FSTL5: variants seen among roughly 807,000 people sequenced by gnomAD.
FSTL5 encodes follistatin like 5.
A neutral mutation model predicts 89.1 loss-of-function variants in FSTL5; 62 were observed. That is an observed-to-expected ratio of 0.70 (90% confidence interval 0.57 to 0.86). The LOEUF (loss-of-function observed/expected upper bound fraction) is 0.86. Among genes scored for constraint, FSTL5 ranks in the 40% least tolerant of loss-of-function variants. The probability of loss-of-function intolerance (pLI) is 0.00; values close to 1 mark genes in which losing one functional copy is unlikely to be tolerated. For missense variants in FSTL5, 1,057 were observed against 1,001.6 expected (o/e 1.06, Z -0.75); for synonymous variants, 383 against 346.2 (o/e 1.11, Z -1.18).
intron 15 of FSTL5, among the ~76,000 whole-genome samples, chr4:161,409,796 C>T (rs1457080868): frequency 1.3e-5 from 2 of 152,168 alleles, no homozygotes; most frequent in African/African-American, 4.8e-5. Flanking sequence ...AGCCCATAGT[C>T]ACTATAAAGC....
At chr4:162,004,731 A>G (rs754371722) in intron 3 of FSTL5, among the ~76,000 whole-genome samples, 7 of 152,082 alleles carry the variant, frequency 4.6e-5, no homozygotes, top group African/African-American at 7.2e-5. Context: ...AAACTTGTTT[A>G]TTTGGGTATT....
intron 4 of FSTL5, among the ~76,000 whole-genome samples, chr4:161,813,933 T>C (rs1017652370): frequency 1.3e-5 from 2 of 152,000 alleles, no homozygotes; most frequent in African/African-American, 4.8e-5. Context: ...TTTTATTTTA[T>C]AAACATAATC....
chr4:161,481,109 C>G lies in FSTL5; in HGVS notation c.1519G>C (p.Val507Leu). ...EVQRCVWASA[V>L]NVKDKFIYVA... ...TAAATGAACTTGTCTTTGACATTAACAGCTGATGCCCACACACACCTCTGA... is the reference window on the plus strand; with the variant it reads ...TAAATGAACTTGTCTTTGACATTAAGAGCTGATGCCCACACACACCTCTGA... Residue 507 changes from valine to leucine, a missense_variant, in exon 13 of 16, where the codon GTT becomes CTT. By Grantham distance (32) the Val-to-Leu change is conservative. Transcript: ENST00000306100. The G allele has an allele frequency of 6.2e-7, 1 of 1,612,990 alleles. No individual in the cohort carries two copies. Among genetic ancestry groups the G allele is most frequent in the Non-Finnish European group, 8.5e-7 (1 of 1,179,238 alleles).
At chr4:161,735,908 G>A (rs936268167) in intron 6 of FSTL5, among the ~76,000 whole-genome samples, 2 of 151,506 alleles carry the variant, frequency 1.3e-5, no homozygotes, top group African/African-American at 4.9e-5. Flanking sequence ...TGAAGAGAAT[G>A]GATTAATCAA....
At chr4:161,423,685 T>C (rs1732067754) in intron 15 of FSTL5, among the ~76,000 whole-genome samples, 1 of 152,166 alleles carries the variant, frequency 6.6e-6, no homozygotes. Flanking sequence ...CATTTCATCA[T>C]TGAGATAATT....
chr4:161,977,639 A>ATAATAATAAT (rs1373859019), intron 3 of FSTL5, among the ~76,000 whole-genome samples: 1 of 101,242 alleles, frequency 9.9e-6, no homozygotes, highest in African/African-American at 4.1e-5. Flanking sequence ...AAAAAAAAAA[A>ATAATAATAAT]AATAATAATA....
intron 4 of FSTL5, among the ~76,000 whole-genome samples, chr4:161,856,962 G>A (rs539170223): frequency 6.6e-6 from 1 of 152,226 alleles, no homozygotes; most frequent in East Asian, 1.9e-4. Flanking sequence ...GTAATGCAGA[G>A]TAAATGTGGA....
At chr4:161,884,140 C>A (rs1338971993) in intron 4 of FSTL5, among the ~76,000 whole-genome samples, 1 of 151,986 alleles carries the variant, frequency 6.6e-6, no homozygotes, top group African/African-American at 2.4e-5. Context: ...ACCTCAGCCT[C>A]CTGGGTTCAA....
At chr4:162,118,887 T>C (rs1731750956) in intron 1 of FSTL5, among the ~76,000 whole-genome samples, 1 of 152,074 alleles carries the variant, frequency 6.6e-6, no homozygotes. Context: ...CTTATACAGA[T>C]GAAATGTCCA....
intron 2 of FSTL5, among the ~76,000 whole-genome samples, chr4:162,103,856 C>T (rs1336444200): frequency 6.6e-6 from 1 of 152,154 alleles, no homozygotes; most frequent in African/African-American, 2.4e-5. Flanking sequence ...TAGGCAAAAA[C>T]AGGAGGTACA....
At chr4:161,844,830 T>C (rs1731317087) in intron 4 of FSTL5, among the ~76,000 whole-genome samples, 1 of 151,994 alleles carries the variant, frequency 6.6e-6, no homozygotes, top group African/African-American at 2.4e-5. Context: ...ATACCTAATG[T>C]AGATGACAGG....
At chr4:161,898,657 TCTCA>T (rs1733250150) in intron 4 of FSTL5, among the ~76,000 whole-genome samples, 1 of 140,020 alleles carries the variant, frequency 7.1e-6, no homozygotes, top group African/African-American at 2.7e-5. Context: ...TGAGACGGAG[TCTCA>T]CTCTGTCGCC....
chr4:161,515,221 G>T (rs888587012), intron 10 of FSTL5, among the ~76,000 whole-genome samples: 4 of 151,748 alleles, frequency 2.6e-5, no homozygotes, highest in Admixed American at 6.6e-5. Flanking sequence ...GTTTGTTTGG[G>T]GGTTGTTTGT....
chr4:162,111,748 C>T (rs1037982216), intron 1 of FSTL5, among the ~76,000 whole-genome samples: 1 of 151,848 alleles, frequency 6.6e-6, no homozygotes, highest in Non-Finnish European at 1.5e-5. Flanking sequence ...TTCTAATTAT[C>T]GGTACAGAAT....
At chr4:162,102,559 C>T (rs947738460) in intron 2 of FSTL5, among the ~76,000 whole-genome samples, 2 of 145,404 alleles carry the variant, frequency 1.4e-5, no homozygotes, top group African/African-American at 2.5e-5. Context: ...CCCACTCCAT[C>T]TATATTATAA....
At chr4:161,881,687 T>C (rs567564707) in intron 4 of FSTL5, among the ~76,000 whole-genome samples, 1 of 152,222 alleles carries the variant, frequency 6.6e-6, no homozygotes, top group South Asian at 2.1e-4. Flanking sequence ...ACTTTTGTTT[T>C]GTTTTGCTTT....
intron 2 of FSTL5, among the ~76,000 whole-genome samples, chr4:162,038,464 T>C (rs2111216047): frequency 6.6e-6 from 1 of 151,916 alleles, no homozygotes; most frequent in Non-Finnish European, 1.5e-5. Context: ...ATAAAGTAAA[T>C]GTAACGTAAC....
intron 3 of FSTL5, among the ~76,000 whole-genome samples, chr4:161,939,858 A>T (rs981985081): frequency 7.9e-5 from 12 of 151,930 alleles, no homozygotes; most frequent in African/African-American, 2.9e-4. Context: ...CAAAAAGTCA[A>T]GCATAAACTG....
chr4:161,723,434 C>T (rs549181390), intron 6 of FSTL5, among the ~76,000 whole-genome samples: 4 of 152,294 alleles, frequency 2.6e-5, no homozygotes, highest in African/African-American at 9.6e-5. Flanking sequence ...AGGACATCAA[C>T]AATCTGCACT....
Sources: gnomAD v4.1 joint callset for allele counts (sites outside exome capture counted in the v4.1 genomes callset) on GRCh38, gnomAD v4.1.1 for gene constraint, MANE v1.5 for transcripts, NCBI Gene and HGNC (gene_info 2026-07-23, HGNC 2026-07-21) for gene names.